Variants in MYH11 observed in about 807,000 individuals in gnomAD.
The protein encoded by MYH11 is myosin heavy chain 11, also known as myosin-11.
In MYH11, 80 loss-of-function variants were observed where a neutral mutation model predicts 246.6. That is an observed-to-expected ratio of 0.32 (90% CI 0.27 to 0.39). MYH11 has a LOEUF of 0.39. Ranked by LOEUF, MYH11 falls within the 10% of genes least tolerant of loss-of-function variation. The pLI, the probability that MYH11 is intolerant of heterozygous loss-of-function variation, is 1.00. For missense variants in MYH11, 2,158 were observed against 2,546.8 expected, an observed-to-expected ratio of 0.85 and a Z score of 3.29; for synonymous variants, 1,071 against 1,015.5, an observed-to-expected ratio of 1.05 and a Z score of -1.04.
intron 3 of MYH11, among the ~76,000 whole-genome samples, chr16:15,801,604 T>C (rs745848866): frequency 1.2e-4 from 19 of 152,110 alleles, no homozygotes; most frequent in Admixed American, 3.3e-4. Context: ...AAGGTTGCAG[T>C]GAGCTGTGAT....
At chr16:15,773,290 A>ATTTTT (rs34265896) in intron 8 of MYH11, among the ~76,000 whole-genome samples, 3,450 of 128,532 alleles carry the variant, frequency 0.027, 131 homozygotes, top group African/African-American at 0.054. Flanking sequence ...TCCTCCAGCT[A>ATTTTT]TTTTTTTTTT....
chr16:15,836,560 C>T (rs939624480), intron 2 of MYH11, among the ~76,000 whole-genome samples: 46 of 148,844 alleles, frequency 3.1e-4, no homozygotes, highest in Admixed American at 1.3e-4. Flanking sequence ...CCATCATGCC[C>T]AGCTAATTTT....
chr16:15,721,104 A>G (rs1308389686), intron 32 of MYH11, 53 bp from the exon 33 acceptor site: 1 of 1,592,424 alleles, frequency 6.3e-7, no homozygotes, highest in East Asian at 2.2e-5. Flanking sequence ...CATGAAGACG[A>G]TTGAGAAACC....
At chr16:15,732,371 A>G in intron 27 of MYH11, 193 bp downstream of exon 27, 1 of 800,030 alleles carries the variant, frequency 1.2e-6, no homozygotes, top group Non-Finnish European at 2.0e-6. Flanking sequence ...AAGTACTGGG[A>G]TTACAGGCGT....
In MYH11 at chr16:15,831,464, GGT is replaced by G. The variant is rs59352444; in HGVS notation, c.345+6442_345+6443del. On this transcript the variant is annotated intron_variant, in intron 2 of 40. Coordinates refer to ENST00000300036, the MANE Select transcript of MYH11 (RefSeq NM_002474.3). ...AGGAGTGACTTTTTCTTATGTTTGGGGTGTGTGTGTGTGTGTGTGTGTGTGTG... is the reference window on the plus strand; with the variant it reads ...AGGAGTGACTTTTTCTTATGTTTGGGGTGTGTGTGTGTGTGTGTGTGTGTG... 3.0e-3 allele frequency among the ~76,000 whole-genome samples: 431 copies of G among 145,612 alleles called. 5 individuals are homozygous for G. Among genetic ancestry groups the G allele is most frequent in the South Asian group, 0.025 (114 of 4,534 alleles).
chr16:15,814,150 CAAA>C (rs2043204541), intron 3 of MYH11, among the ~76,000 whole-genome samples: 1 of 82,734 alleles, frequency 1.2e-5, no homozygotes, highest in Non-Finnish European at 2.4e-5. Flanking sequence ...CAAAAAAAAA[CAAA>C]CAAACCAAAA....
intron 37 of MYH11, 151 bp downstream of exon 37, chr16:15,718,164 C>T: frequency 8.1e-7 from 1 of 1,242,050 alleles, no homozygotes; most frequent in Non-Finnish European, 1.1e-6. Context: ...GTGTAAGGGC[C>T]CTGGATCTCT....
At chr16:15,800,418 GGATA>G (rs1351322073) in intron 3 of MYH11, among the ~76,000 whole-genome samples, 1 of 151,612 alleles carries the variant, frequency 6.6e-6, no homozygotes, top group East Asian at 1.9e-4. Context: ...AAGGATGGAT[GGATA>G]GATAGGAAGA....
chr16:15,722,291 C>G (rs922610010), intron 31 of MYH11, among the ~76,000 whole-genome samples: 2 of 152,168 alleles, frequency 1.3e-5, no homozygotes, highest in African/African-American at 4.8e-5. Context: ...TAATATCTTA[C>G]AAAAGTATCC....
At position 15,715,155 on chromosome 16, in the gene MYH11, A is replaced by G. The variant is rs2151192567; in HGVS notation, c.5613+9T>C. On this transcript the variant is annotated intron_variant, in intron 39 of 40. Transcript: ENST00000300036. ...GGGGGCTCGAGGGAGGCTGGGTGGCAGGGGCTACCTGCTCCTTGTACTGCT... is the reference window on the plus strand; with the variant it reads ...GGGGGCTCGAGGGAGGCTGGGTGGCGGGGGCTACCTGCTCCTTGTACTGCT... 1 of 1,613,324 alleles carries G rather than the reference A, an allele frequency of 6.2e-7. No individual in the cohort carries two copies. The highest frequency in any genetic ancestry group is 2.2e-5 in the East Asian group (1 of 44,868).
At chr16:15,772,513 C>T (rs190583917) in intron 8 of MYH11, among the ~76,000 whole-genome samples, 95 of 152,294 alleles carry the variant, frequency 6.2e-4, no homozygotes, top group African/African-American at 2.2e-3. Flanking sequence ...TTCTCCAACT[C>T]TACCTTACTC....
chr16:15,824,616 T>C lies in MYH11; in HGVS notation c.346-1205A>G, dbSNP rs1027560820. The stretch of plus-strand genomic sequence containing the variant: ...TGTCGTTAACTGAACATTGGAGGCA[T>C]AGAAAGCCACACACCCCTAAAAAGG... On this transcript the variant is annotated intron_variant, in intron 2 of 40. Transcript: ENST00000300036. Among the ~76,000 whole-genome samples the C allele has an allele frequency of 3.9e-5, 6 of 152,164 alleles. No individual in the cohort carries two copies. The East Asian group carries it at 1.2e-3, about 29-fold the overall frequency.
intron 6 of MYH11, among the ~76,000 whole-genome samples, chr16:15,782,170 C>T (rs952674824): frequency 2.6e-5 from 4 of 152,024 alleles, no homozygotes; most frequent in East Asian, 3.9e-4. Context: ...TGTGAGCCAC[C>T]GCACCAGGCC....
chr16:15,734,989 G>A (rs2041071699), intron 26 of MYH11, among the ~76,000 whole-genome samples: 1 of 151,948 alleles, frequency 6.6e-6, no homozygotes, highest in Non-Finnish European at 1.5e-5. Context: ...AGTCCAGCCT[G>A]GGCAACATGG....
chr16:15,719,585 C>A lies in MYH11; in HGVS notation c.5082G>T (p.Glu1694Asp). Residue 1694 changes from glutamate (E) to aspartate (D), a missense_variant and splice_region_variant, in exon 35 of 41, where the codon GAG (glutamate) becomes GAT (aspartate). Physicochemically the swap from Glu to Asp is conservative, Grantham distance 45 (BLOSUM62 2). Transcript: ENST00000300036. The part of the protein sequence containing the change: ...SLEADLMQLQ[E>D]DLAAAERARK... ...CTCTCCTAGCAAGGCGAGGCTTTACCTCTTGTAGCTGCATGAGGTCTGCTT... is the reference window on the plus strand; with the variant it reads ...CTCTCCTAGCAAGGCGAGGCTTTACATCTTGTAGCTGCATGAGGTCTGCTT... 1 of 1,614,124 alleles carries A rather than the reference C, an allele frequency of 6.2e-7. No homozygotes were observed. Among genetic ancestry groups the A allele is most frequent in the Non-Finnish European group, 8.5e-7 (1 of 1,180,048 alleles).
rs1567691357 is a variant in MYH11, at chr16:15,719,204, CCATT to C, written c.5171+12_5171+15del. On this transcript the variant is annotated intron_variant, in intron 36 of 40. Transcript: ENST00000300036. ...TCCTCTGCTTCAGAGCCCTCTTCCT[CCATT>C]CAGTTTCCTACCTTCCCGACAGGCT... The C allele has an allele frequency of 6.2e-7, 1 of 1,612,002 alleles. No homozygotes were observed. The highest frequency in any genetic ancestry group is 1.3e-5 in the African/African-American group (1 of 74,914).
intron 16 of MYH11, 65 bp from the exon 17 acceptor site, chr16:15,748,233 A>G: frequency 8.7e-6 from 14 of 1,604,314 alleles, no homozygotes; most frequent in Non-Finnish European, 1.2e-5. Context: ...AAAGCCCCAA[A>G]CCTCCTACCT....
chr16:15,747,728 G>T lies in MYH11; in HGVS notation c.2253C>A (p.Ile751=). The change falls in exon 19 of 41, where the codon ATC becomes ATA. Residue 751 remains isoleucine (I), a splice_region_variant and synonymous_variant. Coordinates refer to ENST00000300036, the MANE Select transcript of MYH11 (RefSeq NM_002474.3). ...AGTTGGGGTCAAGTTCCAGGGCTTT[G>T]ATCTGCAAAAGGAAGGAAAGGAAGA... ...MDGKQACILM[I]KALELDPNLY... is the part of the protein sequence containing the mutation. 1 of 1,614,034 alleles carries T rather than the reference G, an allele frequency of 6.2e-7. No homozygotes were observed. Among genetic ancestry groups the T allele is most frequent in the Non-Finnish European group, 8.5e-7 (1 of 1,180,012 alleles).
intron 3 of MYH11, among the ~76,000 whole-genome samples, chr16:15,807,071 T>A (rs1255133203): frequency 6.6e-6 from 1 of 152,144 alleles, no homozygotes; most frequent in African/African-American, 2.4e-5. Context: ...AACAGATCCT[T>A]CCATCTCAGC....
Sources: gnomAD v4.1 joint callset for allele counts (sites outside exome capture counted in the v4.1 genomes callset) on GRCh38, gnomAD v4.1.1 for gene constraint, MANE v1.5 for transcripts, NCBI Gene and HGNC (gene_info 2026-07-23, HGNC 2026-07-21) for gene names.